UBXN2A: variants seen among roughly 807,000 people sequenced by gnomAD.
UBXN2A encodes the protein UBX domain protein 2A.
In UBXN2A, 28 loss-of-function variants were observed where a neutral mutation model predicts 28.4. The observed-to-expected ratio is 0.99, with a 90% CI of 0.73 to 1.35. The LOEUF (loss-of-function observed/expected upper bound fraction) is 1.35. Among genes scored for constraint, UBXN2A ranks in the 40% most tolerant of loss-of-function variants. The pLI is 0.00. For synonymous variants in UBXN2A, 97 were observed against 103.6 expected (o/e 0.94, Z 0.39); for missense variants, 253 against 297.9 (o/e 0.85, Z 1.11).
chr2:23,992,001 C>G (rs1019780933), intron 6 of UBXN2A, among the ~76,000 whole-genome samples: 2 of 152,046 alleles, frequency 1.3e-5, no homozygotes, highest in African/African-American at 4.8e-5. Context: ...GAGATGGAGT[C>G]TTGCTCTGTC....
At chr2:23,954,109 T>TA (rs1375084696) in intron 1 of UBXN2A, among the ~76,000 whole-genome samples, 1 of 152,108 alleles carries the variant, frequency 6.6e-6, no homozygotes, top group Non-Finnish European at 1.5e-5. Flanking sequence ...GCCTCCCGGG[T>TA]ACAAGTGATT....
intron 6 of UBXN2A, among the ~76,000 whole-genome samples, chr2:23,987,638 C>T (rs1452585253): frequency 1.3e-5 from 2 of 151,570 alleles, no homozygotes; most frequent in South Asian, 2.1e-4. Context: ...ATTAGCCGGG[C>T]GTGGTGGCAA....
intron 1 of UBXN2A, among the ~76,000 whole-genome samples, chr2:23,931,706 C>T (rs1421810776): frequency 1.3e-5 from 2 of 152,096 alleles, no homozygotes; most frequent in African/African-American, 4.8e-5. Flanking sequence ...TGAATTTGAC[C>T]TTTTCTCTGC....
intron 1 of UBXN2A, among the ~76,000 whole-genome samples, chr2:23,940,956 C>G (rs569560967): frequency 6.6e-6 from 1 of 152,110 alleles, no homozygotes; most frequent in South Asian, 2.1e-4. Context: ...CCGAAACTTA[C>G]AGTTATGCGC....
Position 23,999,683 on chromosome 2 carries a change from T to C in UBXN2A, c.596T>C (p.Ile199Thr). 1 of 1,613,568 alleles carries C rather than the reference T, an allele frequency of 6.2e-7. No individual in the cohort carries two copies. Among genetic ancestry groups the C allele is most frequent in the Non-Finnish European group, 8.5e-7 (1 of 1,179,878 alleles). The change falls in exon 7 of 7, where the codon ATC becomes ACC. Residue 199 changes from isoleucine to threonine, a missense_variant. Transcript: ENST00000309033. Reference sequence around the variant, plus strand: ...TTGCTGTTTTACAGAGTAAGCCATATCAAAGACTTCATTGAAAAATACCAA... The same window carrying C: ...TTGCTGTTTTACAGAGTAAGCCATACCAAAGACTTCATTGAAAAATACCAA... ...KFNITHRVSH[I>T]KDFIEKYQGS...
chr2:23,965,284 G>A (rs1707116093), intron 2 of UBXN2A, among the ~76,000 whole-genome samples: 1 of 152,188 alleles, frequency 6.6e-6, no homozygotes, highest in African/African-American at 2.4e-5. Flanking sequence ...CAGCATCCTT[G>A]TCTTGTTCCT....
In UBXN2A at chr2:24,000,933, C is replaced by A. The variant is rs1331692283; in HGVS notation, c.*1066C>A. 6.6e-6 allele frequency: 1 copy of A among 152,108 alleles called. No homozygotes were observed. Among genetic ancestry groups the A allele is most frequent in the African/African-American group, 2.4e-5 (1 of 41,416 alleles). 9.4% of individuals were successfully genotyped at this position (152,108 alleles called of 1,614,324 possible). A position where few individuals can be genotyped will look rare whatever the true frequency, so the allele number is the denominator to read the frequency against. ...CCACCACTCACTTAGAATATAATGCCGGTGTGTGTCACATTACTAGTATTT... is the reference window on the plus strand; with the variant it reads ...CCACCACTCACTTAGAATATAATGCAGGTGTGTGTCACATTACTAGTATTT... On this transcript the variant is annotated 3_prime_UTR_variant, in exon 7 of 7. Coordinates refer to ENST00000309033, the MANE Select transcript of UBXN2A (RefSeq NM_181713.4).
intron 1 of UBXN2A, among the ~76,000 whole-genome samples, chr2:23,932,525 C>T (rs911701568): frequency 3.3e-5 from 5 of 151,892 alleles, no homozygotes; most frequent in Non-Finnish European, 5.9e-5. Flanking sequence ...TTTCCCAACA[C>T]TGACACTAAG....
chr2:23,976,777 C>T (rs769941456), intron 3 of UBXN2A, among the ~76,000 whole-genome samples, 192 bp from the exon 4 acceptor site: 8 of 152,032 alleles, frequency 5.3e-5, no homozygotes, highest in Admixed American at 3.3e-4. Flanking sequence ...AACTGGGTCT[C>T]GCTATGTTGC....
intron 6 of UBXN2A, among the ~76,000 whole-genome samples, chr2:23,995,254 A>G (rs1318646066): frequency 6.6e-6 from 1 of 151,998 alleles, no homozygotes; most frequent in Admixed American, 6.6e-5. Context: ...CAAATTGGAA[A>G]GTGCCCTCAG....
At chr2:23,943,624 A>G (rs538172584) in intron 1 of UBXN2A, among the ~76,000 whole-genome samples, 2 of 152,000 alleles carry the variant, frequency 1.3e-5, no homozygotes, top group Non-Finnish European at 2.9e-5. Flanking sequence ...AGTAGTTGGG[A>G]TTACAGGTAT....
At chr2:23,971,535 C>G in intron 3 of UBXN2A, 121 bp downstream of exon 3, 3 of 1,147,296 alleles carry the variant, frequency 2.6e-6, no homozygotes, top group Non-Finnish European at 3.5e-6. Context: ...GTCACCCAGA[C>G]TGGAGTGCAG....
At chr2:23,947,631 C>T (rs776869485) in intron 1 of UBXN2A, among the ~76,000 whole-genome samples, 4 of 152,018 alleles carry the variant, frequency 2.6e-5, no homozygotes, top group Non-Finnish European at 5.9e-5. Flanking sequence ...AAAATGACTG[C>T]GGTAATGGTG....
At chr2:23,955,867 A>G (rs1247469353) in intron 1 of UBXN2A, among the ~76,000 whole-genome samples, 1 of 152,230 alleles carries the variant, frequency 6.6e-6, no homozygotes, top group African/African-American at 2.4e-5. Context: ...TTTGGTTATG[A>G]TAATGCCACA....
In UBXN2A at chr2:23,951,437, T is replaced by G. The variant is rs1443396449; in HGVS notation, c.-14-6864T>G. On this transcript the variant is annotated intron_variant, in intron 1 of 6. Coordinates refer to ENST00000309033, the MANE Select transcript of UBXN2A (RefSeq NM_181713.4). ...GGATATATATATATATATATATATATATATATATATATATATATATATATA... is the reference window on the plus strand; with the variant it reads ...GGATATATATATATATATATATATAGATATATATATATATATATATATATA... 2.7e-3 allele frequency among the ~76,000 whole-genome samples: 121 copies of G among 44,872 alleles called. 5 individuals carry two copies. Among genetic ancestry groups the G allele is most frequent in the African/African-American group, 7.6e-3 (116 of 15,338 alleles). 29.4% of individuals were successfully genotyped at this position (44,872 alleles called of 152,430 possible).
intron 2 of UBXN2A, among the ~76,000 whole-genome samples, chr2:23,963,019 AAG>A (rs934586143): frequency 1.3e-4 from 20 of 152,208 alleles, no homozygotes; most frequent in African/African-American, 4.3e-4. Flanking sequence ...GCAGCAGGCA[AAG>A]AGAGAGAGTT....
At chr2:23,949,701 G>A (rs1041801732) in intron 1 of UBXN2A, among the ~76,000 whole-genome samples, 8 of 150,658 alleles carry the variant, frequency 5.3e-5, no homozygotes, top group African/African-American at 1.7e-4. Context: ...GTGGTGAAAC[G>A]CTGTCTCTAC....
intron 3 of UBXN2A, among the ~76,000 whole-genome samples, chr2:23,973,181 A>C (rs1020089031): frequency 6.7e-6 from 1 of 148,978 alleles, no homozygotes; most frequent in Admixed American, 6.8e-5. Context: ...CACCATGCCT[A>C]GCTAATTTTT....
intron 1 of UBXN2A, among the ~76,000 whole-genome samples, chr2:23,932,411 G>T (rs971734706): frequency 3.3e-5 from 5 of 151,882 alleles, no homozygotes; most frequent in African/African-American, 1.2e-4. Context: ...CAAACATCCC[G>T]CAAAATCCTG....
Sources: allele counts gnomAD v4.1 joint callset (sites outside exome capture counted in the v4.1 genomes callset), GRCh38; gene constraint gnomAD v4.1.1; transcripts MANE v1.5; gene names NCBI Gene and HGNC (gene_info 2026-07-23, HGNC 2026-07-21).